Variants in CSMD2 observed in about 807,000 individuals in gnomAD.
CSMD2 encodes the protein CUB and sushi domain-containing protein 2.
A neutral mutation model predicts 398.5 loss-of-function variants in CSMD2; 130 were observed. The observed-to-expected ratio is 0.33, with a 90% CI of 0.28 to 0.38. The LOEUF is 0.38. CSMD2 is among the 10% of genes least tolerant of loss of function. The pLI, the probability that CSMD2 is intolerant of heterozygous loss-of-function variation, is 1.00. For missense variants in CSMD2, 3,829 were observed against 4,764.9 expected, an observed-to-expected ratio of 0.80 and a Z score of 5.78; for synonymous variants, 1,828 against 1,908.5, an observed-to-expected ratio of 0.96 and a Z score of 1.10.
intron 64 of CSMD2, 97 bp from the exon 65 acceptor site, chr1:33,527,355 T>C: frequency 1.1e-6 from 1 of 915,206 alleles, no homozygotes; most frequent in South Asian, 1.7e-5. Flanking sequence ...GGTCAATGGG[T>C]TCTTTGAGAT....
intron 10 of CSMD2, among the ~76,000 whole-genome samples, chr1:33,809,281 A>AAAACC (rs55649505): frequency 6.6e-6 from 1 of 151,272 alleles, no homozygotes; most frequent in Non-Finnish European, 1.5e-5. Context: ...ATTACTAAAC[A>AAAACC]ATATATAGGC....
chr1:33,936,652 G>A (rs1644489611), intron 3 of CSMD2, among the ~76,000 whole-genome samples: 1 of 152,240 alleles, frequency 6.6e-6, no homozygotes, highest in Admixed American at 6.5e-5. Context: ...TGGTCTTGGG[G>A]AAGGTGCAAG....
chr1:33,858,095 C>T (rs1175385197), intron 5 of CSMD2, among the ~76,000 whole-genome samples: 2 of 152,180 alleles, frequency 1.3e-5, no homozygotes, highest in East Asian at 3.9e-4. Context: ...GGGCTGGGTG[C>T]TGACACTTCG....
chr1:33,917,131 C>G (rs111788191), intron 5 of CSMD2, among the ~76,000 whole-genome samples: 1 of 152,196 alleles, frequency 6.6e-6, no homozygotes, highest in African/African-American at 2.4e-5. Context: ...AGCCCCGCAC[C>G]CAGGGCCTCC....
chr1:33,980,071 C>T (rs749158289), intron 3 of CSMD2, among the ~76,000 whole-genome samples: 2 of 152,156 alleles, frequency 1.3e-5, no homozygotes, highest in African/African-American at 4.8e-5. Flanking sequence ...ACTGTGGACC[C>T]TTTCCTGGCC....
chr1:34,003,594 C>T (rs1359608709), intron 3 of CSMD2, among the ~76,000 whole-genome samples: 1 of 152,208 alleles, frequency 6.6e-6, no homozygotes, highest in African/African-American at 2.4e-5. Context: ...CAGTCTCTCT[C>T]TGGCTTCTTC....
Position 33,970,913 on chromosome 1 carries a change from C to T in CSMD2, c.518-34959G>A, listed in dbSNP as rs1645737851. Among the ~76,000 whole-genome samples the T allele has an allele frequency of 2.0e-5, 3 of 152,228 alleles. No homozygotes were observed. The South Asian group carries it at 6.2e-4, about 32-fold the overall frequency. ...CCTCAACCAACCATGTGCATTGTTG[C>T]TTAATTCCCTCTGCCTCAGTTTCCT... On this transcript the variant is annotated intron_variant, in intron 3 of 70. Coordinates refer to ENST00000373381, the MANE Select transcript of CSMD2 (RefSeq NM_001281956.2).
At chr1:33,988,261 C>T (rs1646428579) in intron 3 of CSMD2, among the ~76,000 whole-genome samples, 1 of 152,198 alleles carries the variant, frequency 6.6e-6, no homozygotes, top group African/African-American at 2.4e-5. Context: ...CTGGAGTAGC[C>T]AGGACATGGA....
intron 6 of CSMD2, among the ~76,000 whole-genome samples, chr1:33,833,439 C>A (rs549386939): frequency 2.6e-5 from 4 of 150,958 alleles, no homozygotes; most frequent in Admixed American, 6.6e-5. Context: ...AGGCCTTTGA[C>A]AAAATTCAAC....
intron 3 of CSMD2, among the ~76,000 whole-genome samples, chr1:34,019,806 A>C (rs1422944495): frequency 6.6e-6 from 1 of 152,016 alleles, no homozygotes; most frequent in Non-Finnish European, 1.5e-5. Flanking sequence ...CCTGTCCCTC[A>C]AGCCAGTTCA....
chr1:34,028,687 T>C (rs540066000), intron 3 of CSMD2, among the ~76,000 whole-genome samples: 1 of 152,308 alleles, frequency 6.6e-6, no homozygotes, highest in East Asian at 1.9e-4. Context: ...TTCTGTAAGA[T>C]GGATAGCAAT....
At chr1:34,065,709 C>G (rs1451857010) in intron 2 of CSMD2, among the ~76,000 whole-genome samples, 9 of 152,126 alleles carry the variant, frequency 5.9e-5, no homozygotes, top group Admixed American at 3.3e-4. Context: ...AGCACTGTAC[C>G]CAGGACACAG....
intron 10 of CSMD2, chr1:33,804,755 A>T: frequency 1.4e-6 from 1 of 717,450 alleles, no homozygotes; most frequent in Non-Finnish European, 2.6e-6. Context: ...CCTGTAGGCC[A>T]GTTCCATGAA....
intron 12 of CSMD2, among the ~76,000 whole-genome samples, chr1:33,782,186 C>CT (rs916041487): frequency 7.2e-6 from 1 of 139,188 alleles, no homozygotes; most frequent in Non-Finnish European, 1.7e-5. Flanking sequence ...CAGCTACCCG[C>CT]CCCCCAACCC....
intron 2 of CSMD2, among the ~76,000 whole-genome samples, chr1:34,048,737 G>A (rs777661120): frequency 3.9e-5 from 6 of 152,276 alleles, no homozygotes; most frequent in African/African-American, 1.2e-4. Context: ...TAAAGACAGC[G>A]CTTTGCAGTG....
chr1:34,000,734 G>A (rs1294761244), intron 3 of CSMD2, among the ~76,000 whole-genome samples: 1 of 152,154 alleles, frequency 6.6e-6, no homozygotes, highest in Non-Finnish European at 1.5e-5. Context: ...ATTGTCAAAG[G>A]AAGCAAGATG....
At chr1:34,156,802 T>C (rs970653655) in intron 1 of CSMD2, among the ~76,000 whole-genome samples, 4 of 152,278 alleles carry the variant, frequency 2.6e-5, no homozygotes, top group Non-Finnish European at 4.4e-5. Context: ...TTCCTTATAA[T>C]AATGATTTTT....
At chr1:33,603,066 A>C (rs1016104674) in intron 42 of CSMD2, among the ~76,000 whole-genome samples, 2 of 152,100 alleles carry the variant, frequency 1.3e-5, no homozygotes, top group Non-Finnish European at 2.9e-5. Context: ...TTGAGCAGAT[A>C]GTCTTAGATA....
intron 41 of CSMD2, among the ~76,000 whole-genome samples, chr1:33,609,958 A>G (rs1202310651): frequency 1.3e-5 from 2 of 152,178 alleles, no homozygotes; most frequent in African/African-American, 4.8e-5. Flanking sequence ...ACCCTCCTAA[A>G]TGGGATTAGT....
Sources: gnomAD v4.1 joint callset for allele counts (sites outside exome capture counted in the v4.1 genomes callset) on GRCh38, gnomAD v4.1.1 for gene constraint, MANE v1.5 for transcripts, NCBI Gene and HGNC (gene_info 2026-07-23, HGNC 2026-07-21) for gene names.